RASA3: variants seen among roughly 807,000 people sequenced by gnomAD.
The protein encoded by RASA3 is RAS p21 protein activator 3.
RASA3 carries 73 observed loss-of-function variants against 110.0 expected under a neutral mutation model. The ratio of observed to expected loss-of-function variants is 0.66; its 90% confidence interval spans 0.55 to 0.81. The LOEUF (loss-of-function observed/expected upper bound fraction) is 0.81, where lower values mean the gene tolerates loss of function less well. RASA3 is among the 30% of genes least tolerant of loss of function. The pLI is 0.00. For synonymous variants in RASA3, 500 were observed against 451.4 expected (o/e 1.11, Z -1.37); for missense variants, 976 against 1,113.2 (o/e 0.88, Z 1.75).
At chr13:114,016,134 A>G in intron 13 of RASA3, 63 bp downstream of exon 13, 2 of 1,429,116 alleles carry the variant, frequency 1.4e-6, no homozygotes, top group Admixed American at 1.7e-5. Flanking sequence ...GCTTCCAGGC[A>G]GCCATCGGCT....
intron 2 of RASA3, among the ~76,000 whole-genome samples, chr13:114,053,197 C>T (rs2079181957): frequency 6.6e-6 from 1 of 152,266 alleles, no homozygotes; most frequent in Non-Finnish European, 1.5e-5. Context: ...GAGAGGACCC[C>T]GCTGCTGACT....
At chr13:114,029,756 G>T in intron 5 of RASA3, 55 bp downstream of exon 5, 1 of 1,507,170 alleles carries the variant, frequency 6.6e-7, no homozygotes. Flanking sequence ...GTGCTCCTCG[G>T]GAGCCAGACA....
chr13:114,127,508 G>C (rs1255272777), intron 1 of RASA3, among the ~76,000 whole-genome samples: 1 of 152,164 alleles, frequency 6.6e-6, no homozygotes, highest in East Asian at 1.9e-4. Context: ...TTCCCTGCCT[G>C]AACACTGCCT....
intron 4 of RASA3, among the ~76,000 whole-genome samples, chr13:114,037,485 G>A (rs567256760): frequency 7.7e-4 from 117 of 152,292 alleles, no homozygotes; most frequent in African/African-American, 2.7e-3. Flanking sequence ...TGGGGCTGCC[G>A]GTGGGGAAGG....
chr13:114,087,296 T>C (rs9525252), intron 1 of RASA3, among the ~76,000 whole-genome samples: 30,500 of 121,534 alleles, frequency 0.25, 5,979 homozygotes, highest in Non-Finnish European at 0.36. Flanking sequence ...AGTGGTGAGT[T>C]TGGAGTATCG....
At chr13:114,019,809 T>G (rs9562197) in intron 9 of RASA3, among the ~76,000 whole-genome samples, 198 of 44,792 alleles carry the variant, frequency 4.4e-3, no homozygotes, top group African/African-American at 6.3e-3. Flanking sequence ...GTGGAGCCTG[T>G]GTCCGAGGCA....
At chr13:114,040,549 G>A (rs2054378619) in intron 4 of RASA3, among the ~76,000 whole-genome samples, 2 of 136,936 alleles carry the variant, frequency 1.5e-5, no homozygotes, top group South Asian at 2.4e-4. Flanking sequence ...CGCTCACTCC[G>A]AGCACAAGCG....
intron 2 of RASA3, among the ~76,000 whole-genome samples, chr13:114,059,366 C>T (rs925651931): frequency 4.6e-5 from 7 of 152,234 alleles, no homozygotes; most frequent in East Asian, 1.9e-4. Context: ...CTATATGGCA[C>T]GTCTAAATGT....
intron 9 of RASA3, among the ~76,000 whole-genome samples, chr13:114,019,140 T>G (rs1389191178): frequency 7.2e-5 from 10 of 138,100 alleles, no homozygotes; most frequent in African/African-American, 1.1e-4. Flanking sequence ...GGCGCAGGAG[T>G]CAAGGGGGGA....
intron 1 of RASA3, among the ~76,000 whole-genome samples, chr13:114,088,569 G>C (rs956280682): frequency 3.1e-5 from 3 of 96,856 alleles, no homozygotes; most frequent in African/African-American, 1.1e-4. Flanking sequence ...TTTTTTTTTT[G>C]AGACGGAGTT....
intron 4 of RASA3, among the ~76,000 whole-genome samples, chr13:114,033,389 T>C (rs111173932): frequency 0.014 from 164 of 11,728 alleles, 3 homozygotes; most frequent in African/African-American, 0.085. Flanking sequence ...CCACGTTCCA[T>C]GGCACCCCCA....
chr13:114,029,154 G>T (rs1448479625), intron 5 of RASA3, among the ~76,000 whole-genome samples: 2 of 36,266 alleles, frequency 5.5e-5, no homozygotes, highest in Non-Finnish European at 9.2e-5. Flanking sequence ...GTCATCCTGG[G>T]GGCCAGGACC....
In RASA3 at chr13:114,112,674, GC is replaced by G. The variant is rs1477239035; in HGVS notation, c.55+19760del. On this transcript the variant is annotated intron_variant, in intron 1 of 23. Coordinates refer to ENST00000334062, the MANE Select transcript of RASA3 (RefSeq NM_007368.4). The surrounding 1 kb of genome is among the most constrained non-coding windows in gnomAD (Gnocchi z 4.8). Reference sequence around the variant, plus strand: ...GGGGGTATGCCAGCTCTCCCTGCTTGCCCTGGTCCCACACACTCAGGCCTGT... The same window carrying G: ...GGGGGTATGCCAGCTCTCCCTGCTTGCCTGGTCCCACACACTCAGGCCTGT... Among the ~76,000 whole-genome samples, 2 of 151,880 alleles carry G rather than the reference GC, an allele frequency of 1.3e-5. No homozygotes were observed.
At chr13:113,979,778 G>A (rs546497527) in intron 23 of RASA3, among the ~76,000 whole-genome samples, 37 of 152,254 alleles carry the variant, frequency 2.4e-4, no homozygotes, top group African/African-American at 8.9e-4. Context: ...GAGCTCCAGG[G>A]ACACAGATCT....
chr13:113,996,037 G>A (rs2053246232), intron 21 of RASA3, among the ~76,000 whole-genome samples: 1 of 137,402 alleles, frequency 7.3e-6, no homozygotes, highest in Non-Finnish European at 1.6e-5. Flanking sequence ...CTGATGGGGG[G>A]GCCCGGCTGA....
At chr13:114,009,245 G>T in intron 17 of RASA3, 142 bp downstream of exon 17, 1 of 679,596 alleles carries the variant, frequency 1.5e-6, no homozygotes, top group Non-Finnish European at 2.6e-6. Flanking sequence ...TCTGGACAGC[G>T]CTGTGAATGC....
At chr13:114,002,762 C>T (rs769494577) in intron 18 of RASA3, among the ~76,000 whole-genome samples, 3 of 152,180 alleles carry the variant, frequency 2.0e-5, no homozygotes, top group Non-Finnish European at 2.9e-5. Flanking sequence ...CTGGTCTGGG[C>T]GCCTGGCTCT....
At chr13:114,047,472 C>T (rs556070018) in intron 3 of RASA3, among the ~76,000 whole-genome samples, 1 of 152,334 alleles carries the variant, frequency 6.6e-6, no homozygotes, top group South Asian at 2.1e-4. Flanking sequence ...ACTGGGTGAC[C>T]ACTTGGAGAC....
chr13:114,102,415 G>A (rs2080071888), intron 1 of RASA3, among the ~76,000 whole-genome samples: 1 of 152,122 alleles, frequency 6.6e-6, no homozygotes, highest in Non-Finnish European at 1.5e-5. Context: ...GAGGGAGAGG[G>A]ACAGAGAGGG....
Sources: allele counts gnomAD v4.1 joint callset (sites outside exome capture counted in the v4.1 genomes callset), GRCh38; gene constraint gnomAD v4.1.1; non-coding constraint Gnocchi (gnomAD v3.1); transcripts MANE v1.5; gene names NCBI Gene and HGNC (gene_info 2026-07-23, HGNC 2026-07-21).